KAZN: variants seen among roughly 807,000 people sequenced by gnomAD.
KAZN encodes kazrin.
KAZN carries 40 observed loss-of-function variants against 87.4 expected under a neutral mutation model. The observed-to-expected ratio is 0.46, with a 90% CI of 0.36 to 0.60. The LOEUF is 0.60. KAZN is among the 20% of genes least tolerant of loss of function. The pLI, the probability that KAZN is intolerant of heterozygous loss-of-function variation, is 0.00. For missense variants in KAZN, 898 were observed against 1,073.9 expected, an observed-to-expected ratio of 0.84 and a Z score of 2.29; for synonymous variants, 466 against 458.3, an observed-to-expected ratio of 1.02 and a Z score of -0.22.
intron 1 of KAZN, among the ~76,000 whole-genome samples, chr1:14,636,498 T>A (rs1387741169): frequency 6.6e-6 from 1 of 152,172 alleles, no homozygotes; most frequent in Non-Finnish European, 1.5e-5. Flanking sequence ...AAAACTGTGT[T>A]AATTATGACA....
rs747923457 is a variant in KAZN at position 15,084,133 on chromosome 1, TG to T, written c.1223-10041del. Among the ~76,000 whole-genome samples the T allele has an allele frequency of 2.8e-3, 424 of 152,338 alleles. 6 individuals are homozygous for T. Among genetic ancestry groups the T allele is most frequent in the Non-Finnish European group, 2.3e-3 (155 of 68,028 alleles). On this transcript the variant is annotated intron_variant, in intron 8 of 14. Transcript: ENST00000376030. ...CAAGTAGAACAGGGAAGGGCTGAGC[TG>T]GGGGGAAAGGCAAAGGAAATGGTAT...
At chr1:14,639,618 C>A (rs144203488) in intron 1 of KAZN, among the ~76,000 whole-genome samples, 2 of 152,154 alleles carry the variant, frequency 1.3e-5, no homozygotes, top group African/African-American at 2.4e-5. Flanking sequence ...AGTCCTCTGA[C>A]CTTTGTTCTC....
At chr1:14,410,663 G>A (rs1188507406) in intron 2 of KAZN, among the ~76,000 whole-genome samples, 1 of 152,210 alleles carries the variant, frequency 6.6e-6, no homozygotes, top group Non-Finnish European at 1.5e-5. Flanking sequence ...AATACAATCA[G>A]AACTGTCCTT....
intron 1 of KAZN, among the ~76,000 whole-genome samples, chr1:14,049,439 A>G (rs947764205): frequency 2.6e-5 from 4 of 152,228 alleles, no homozygotes; most frequent in Admixed American, 1.3e-4. Flanking sequence ...CACGTTGTGC[A>G]CATGTACCCT....
At chr1:14,325,066 C>T (rs533881733) in intron 2 of KAZN, among the ~76,000 whole-genome samples, 1 of 152,266 alleles carries the variant, frequency 6.6e-6, no homozygotes, top group African/African-American at 2.4e-5. Flanking sequence ...AGCGGGGGAA[C>T]GAGGACTTGC....
intron 2 of KAZN, among the ~76,000 whole-genome samples, chr1:14,978,355 G>A (rs76237989): frequency 0.032 from 4,858 of 152,284 alleles, 260 homozygotes; most frequent in African/African-American, 0.11. Context: ...CTGGCTGGCT[G>A]TGTTCTACGG....
chr1:14,209,401 T>A (rs1646809181), intron 2 of KAZN, among the ~76,000 whole-genome samples: 1 of 152,202 alleles, frequency 6.6e-6, no homozygotes, highest in African/African-American at 2.4e-5. Flanking sequence ...AGATGTTTTT[T>A]TCCAGCATAC....
At chr1:15,046,306 A>AAAAAAAAAG (rs1673515952) in intron 4 of KAZN, among the ~76,000 whole-genome samples, 2 of 151,780 alleles carry the variant, frequency 1.3e-5, no homozygotes, top group African/African-American at 4.8e-5. Flanking sequence ...TCAAAAAAAA[A>AAAAAAAAAG]AGAGAATCAT....
chr1:14,095,194 A>G (rs1307793031), intron 1 of KAZN, among the ~76,000 whole-genome samples: 2 of 152,114 alleles, frequency 1.3e-5, no homozygotes, highest in Non-Finnish European at 2.9e-5. Flanking sequence ...AAATGTCCCT[A>G]GGGGGCAGTA....
At chr1:14,748,240 A>G (rs1350633691) in intron 1 of KAZN, among the ~76,000 whole-genome samples, 1 of 152,236 alleles carries the variant, frequency 6.6e-6, no homozygotes, top group Non-Finnish European at 1.5e-5. Flanking sequence ...ATGAATCTTC[A>G]TGAGCCTTCA....
chr1:14,134,932 T>C (rs1314430105), intron 1 of KAZN, among the ~76,000 whole-genome samples: 2 of 151,808 alleles, frequency 1.3e-5, no homozygotes, highest in African/African-American at 4.8e-5. Context: ...GTCCTTGGAG[T>C]GTACTGCCTC....
At chr1:14,777,799 G>T (rs1234699382) in intron 1 of KAZN, among the ~76,000 whole-genome samples, 1 of 152,164 alleles carries the variant, frequency 6.6e-6, no homozygotes, top group Non-Finnish European at 1.5e-5. Flanking sequence ...TTCCAGGAAT[G>T]GGGTGAGCAA....
intron 1 of KAZN, among the ~76,000 whole-genome samples, chr1:14,627,326 G>A (rs1679216711): frequency 6.6e-6 from 1 of 152,064 alleles, no homozygotes; most frequent in Non-Finnish European, 1.5e-5. Flanking sequence ...AGGGATGCAA[G>A]GAGGCCTCTG....
intron 2 of KAZN, among the ~76,000 whole-genome samples, chr1:14,380,638 G>A (rs530364646): frequency 9.3e-4 from 141 of 152,152 alleles, no homozygotes; most frequent in African/African-American, 3.3e-3. Flanking sequence ...AAGTAATGAG[G>A]CTGAAGACAG....
intron 1 of KAZN, among the ~76,000 whole-genome samples, chr1:14,931,408 C>A (rs1659808330): frequency 6.6e-6 from 1 of 152,002 alleles, no homozygotes; most frequent in Admixed American, 6.5e-5. Context: ...AAGATCATGC[C>A]ACTGCACTCC....
At chr1:14,505,789 C>T (rs924593910) in intron 2 of KAZN, among the ~76,000 whole-genome samples, 2 of 152,160 alleles carry the variant, frequency 1.3e-5, no homozygotes, top group African/African-American at 4.8e-5. Context: ...GCCTGGGCAA[C>T]AGGGTGAAAC....
At chr1:14,514,405 A>AT (rs1295330707) in intron 2 of KAZN, among the ~76,000 whole-genome samples, 45 of 31,688 alleles carry the variant, frequency 1.4e-3, no homozygotes, top group African/African-American at 5.5e-3. Flanking sequence ...ATTTATATAT[A>AT]TAATATATAA....
intron 2 of KAZN, among the ~76,000 whole-genome samples, chr1:14,354,645 GACACACACACACACACACACACACACAC>G: frequency 7.1e-6 from 1 of 141,466 alleles, no homozygotes; most frequent in African/African-American, 2.6e-5. Flanking sequence ...AGCTAAATTA[GACACACACACACACACACACACACACAC>G]ACACACACAC....
At chr1:14,041,060 C>T (rs994166279) in intron 1 of KAZN, among the ~76,000 whole-genome samples, 2 of 152,182 alleles carry the variant, frequency 1.3e-5, no homozygotes, top group African/African-American at 4.8e-5. Context: ...TTGGCAGCTT[C>T]ACTTTGCTCC....
Sources: gnomAD v4.1 joint callset for allele counts (sites outside exome capture counted in the v4.1 genomes callset) on GRCh38, gnomAD v4.1.1 for gene constraint, MANE v1.5 for transcripts, NCBI Gene and HGNC (gene_info 2026-07-23, HGNC 2026-07-21) for gene names.